The following BCAS1 variants were observed in gnomAD, a reference collection of about 807,000 sequenced individuals.
The protein encoded by BCAS1 is brain enriched myelin associated protein 1, also known as breast carcinoma-amplified sequence 1.
BCAS1 carries 46 observed loss-of-function variants against 65.4 expected under a neutral mutation model. The observed-to-expected ratio is 0.70, with a 90% CI of 0.55 to 0.90. BCAS1 has a LOEUF of 0.90. BCAS1 is among the 40% of genes least tolerant of loss of function. The pLI is 0.00. For synonymous variants in BCAS1, 298 were observed against 293.5 expected (o/e 1.02, Z -0.16); for missense variants, 793 against 771.2 (o/e 1.03, Z -0.33).
chr20:54,006,472 G>A (rs991580634), intron 4 of BCAS1, among the ~76,000 whole-genome samples: 1 of 152,208 alleles, frequency 6.6e-6, no homozygotes, highest in Non-Finnish European at 1.5e-5. Flanking sequence ...CACTTTGGGA[G>A]ACCGAGGCAG....
At chr20:54,042,097 G>A (rs375013602) in intron 3 of BCAS1, among the ~76,000 whole-genome samples, 30 of 152,124 alleles carry the variant, frequency 2.0e-4, no homozygotes, top group African/African-American at 5.8e-4. Context: ...AAAGGCTTAC[G>A]TATGGAACTA....
chr20:53,994,208 C>T (rs149287260), intron 6 of BCAS1, among the ~76,000 whole-genome samples: 16 of 152,308 alleles, frequency 1.1e-4, no homozygotes, highest in African/African-American at 3.1e-4. Flanking sequence ...AAGCACTTTC[C>T]GATATCAGAA....
intron 9 of BCAS1, among the ~76,000 whole-genome samples, chr20:53,971,637 C>G (rs1054966018): frequency 6.6e-6 from 1 of 152,206 alleles, no homozygotes; most frequent in Admixed American, 6.5e-5. Context: ...GCCAAGAAGG[C>G]TGAACCCAAG....
intron 4 of BCAS1, among the ~76,000 whole-genome samples, chr20:53,998,499 G>A (rs1021704829): frequency 3.3e-5 from 5 of 152,074 alleles, no homozygotes; most frequent in African/African-American, 1.2e-4. Context: ...AGAGTGGAGG[G>A]GGTGGTGGGA....
intron 6 of BCAS1, 141 bp from the exon 7 acceptor site, chr20:53,992,787 C>A: frequency 1.4e-6 from 1 of 693,022 alleles, no homozygotes; most frequent in Non-Finnish European, 2.1e-6. Flanking sequence ...ACAAAACACC[C>A]TGTAAATGTT....
At chr20:54,056,918 T>C (rs2146317750) in intron 3 of BCAS1, among the ~76,000 whole-genome samples, 1 of 152,320 alleles carries the variant, frequency 6.6e-6, no homozygotes, top group Admixed American at 6.5e-5. Context: ...ATGCTATAAG[T>C]ACTGTCATTA....
At position 53,973,185 on chromosome 20, in the gene BCAS1, C is replaced by T. The variant is rs140450727; in HGVS notation, c.1317+2204G>A. 1.5e-4 allele frequency among the ~76,000 whole-genome samples: 23 copies of T among 152,216 alleles called. No homozygotes were observed. The East Asian group carries it at 3.3e-3, about 22-fold the overall frequency. Reference sequence around the variant, plus strand: ...TGGAGGTTGCAGTGAGCCGAGATTGCGCCACTGCACTCCAGCCTGGGTGAA... The same window carrying T: ...TGGAGGTTGCAGTGAGCCGAGATTGTGCCACTGCACTCCAGCCTGGGTGAA... On this transcript the variant is annotated intron_variant, in intron 9 of 12. Coordinates refer to ENST00000688948, the MANE Select transcript of BCAS1 (RefSeq NM_001366298.2).
At chr20:54,057,767 A>G (rs1006489932) in intron 3 of BCAS1, among the ~76,000 whole-genome samples, 1 of 132,950 alleles carries the variant, frequency 7.5e-6, no homozygotes, top group Non-Finnish European at 1.6e-5. Flanking sequence ...GGAAGATGAC[A>G]TGAAGATGCA....
intron 3 of BCAS1, among the ~76,000 whole-genome samples, chr20:54,057,058 T>A (rs1377337306): frequency 6.6e-6 from 1 of 152,210 alleles, no homozygotes; most frequent in Non-Finnish European, 1.5e-5. Flanking sequence ...TGGGCTATAC[T>A]ACCTCTTCTT....
At chr20:54,047,331 A>T (rs943345665) in intron 3 of BCAS1, among the ~76,000 whole-genome samples, 2 of 152,248 alleles carry the variant, frequency 1.3e-5, no homozygotes, top group African/African-American at 2.4e-5. Flanking sequence ...ATATAGGACC[A>T]GCCCAGAGGG....
intron 3 of BCAS1, among the ~76,000 whole-genome samples, chr20:54,045,210 CAA>C (rs11086447): frequency 0.013 from 1,822 of 136,118 alleles, 31 homozygotes; most frequent in African/African-American, 0.045. Context: ...GACCTCATCT[CAA>C]AAAAAAAAAA....
chr20:54,036,160 G>A (rs1245897946), intron 3 of BCAS1, among the ~76,000 whole-genome samples: 1 of 150,592 alleles, frequency 6.6e-6, no homozygotes, highest in Non-Finnish European at 1.5e-5. Context: ...CTTGATACCT[G>A]GGTGACAACA....
At chr20:53,962,173 C>A (rs1471361998) in intron 10 of BCAS1, among the ~76,000 whole-genome samples, 4 of 152,160 alleles carry the variant, frequency 2.6e-5, no homozygotes, top group Admixed American at 6.5e-5. Context: ...GGAAGACTTT[C>A]GGTTTTCTGT....
chr20:53,970,849 T>C (rs947824969), intron 9 of BCAS1, among the ~76,000 whole-genome samples: 1 of 152,224 alleles, frequency 6.6e-6, no homozygotes, highest in Non-Finnish European at 1.5e-5. Context: ...TTAAAGGTTT[T>C]TATTTTAGAA....
chr20:54,026,790 G>C (rs1020461901), intron 4 of BCAS1, among the ~76,000 whole-genome samples: 10 of 152,266 alleles, frequency 6.6e-5, no homozygotes, highest in Non-Finnish European at 1.3e-4. Context: ...CCTGGTTCAT[G>C]CATTTGCTGG....
At position 53,996,041 on chromosome 20, in the gene BCAS1, C is replaced by T; in HGVS notation, c.733G>A (p.Asp245Asn). 2 of 1,601,474 alleles carry T rather than the reference C, an allele frequency of 1.2e-6. No homozygotes were observed. Among genetic ancestry groups the T allele is most frequent in the Non-Finnish European group, 1.7e-6 (2 of 1,173,734 alleles). Residue 245 changes from aspartate to asparagine, a missense_variant, in exon 5 of 13, where the codon GAC (aspartate) becomes AAC (asparagine). By Grantham distance (23) the Asp-to-Asn change is conservative (BLOSUM62 1). Transcript: ENST00000688948. ...TCTTGTCCTTCTTTTTCCTTGCCGT[C>T]AACTATGTCCTAGGGGCAAAACAGT... ...DDVPAGKDIV[D>N]GKEKEGQELG...
chr20:54,050,232 C>A (rs1490766058), intron 3 of BCAS1, among the ~76,000 whole-genome samples: 1 of 152,196 alleles, frequency 6.6e-6, no homozygotes, highest in Non-Finnish European at 1.5e-5. Context: ...TGTGATCACA[C>A]TGGGTCCACC....
intron 1 of BCAS1, chr20:54,068,298 G>A (rs3787551): frequency 1.3e-5 from 2 of 154,228 alleles, no homozygotes; most frequent in African/African-American, 4.8e-5. Flanking sequence ...CTTAGAGCTC[G>A]CTCTCATAGT....
intron 7 of BCAS1, among the ~76,000 whole-genome samples, chr20:53,990,431 T>C (rs740049): frequency 0.13 from 19,108 of 152,214 alleles, 2,600 homozygotes; most frequent in African/African-American, 0.34. Context: ...CCCTACTTTT[T>C]GAACTGAGAA....
Sources: allele counts gnomAD v4.1 joint callset (sites outside exome capture counted in the v4.1 genomes callset), GRCh38; gene constraint gnomAD v4.1.1; transcripts MANE v1.5; gene names NCBI Gene and HGNC (gene_info 2026-07-23, HGNC 2026-07-21).